ANKFN1: variants seen among roughly 807,000 people sequenced by gnomAD.
ANKFN1 encodes ankyrin repeat and fibronectin type III domain containing 1, also known as ankyrin repeat and fibronectin type-III domain-containing protein 1.
In ANKFN1, 74 loss-of-function variants were observed where a neutral mutation model predicts 108.7. The observed-to-expected ratio is 0.68, with a 90% CI of 0.56 to 0.83. The LOEUF (loss-of-function observed/expected upper bound fraction) is 0.83. Ranked by LOEUF, ANKFN1 falls within the 40% of genes least tolerant of loss-of-function variation. ANKFN1 has a pLI of 0.00. For missense variants in ANKFN1, 1,505 were observed against 1,382.3 expected (o/e 1.09, Z -1.41); for synonymous variants, 547 against 516.2 (o/e 1.06, Z -0.81).
chr17:56,240,194 CA>C (rs202129835), intron 3 of ANKFN1, among the ~76,000 whole-genome samples: 2 of 152,030 alleles, frequency 1.3e-5, no homozygotes, highest in South Asian at 2.1e-4. Context: ...CATTCTCCCA[CA>C]AAAAAATCAC....
intron 4 of ANKFN1, among the ~76,000 whole-genome samples, chr17:56,059,427 T>G (rs1904935035): frequency 6.6e-6 from 1 of 152,258 alleles, no homozygotes; most frequent in South Asian, 2.1e-4. Context: ...CAGAAGCTGT[T>G]TAGTTTAATT....
At chr17:56,367,014 G>C (rs2046681819) in intron 6 of ANKFN1, among the ~76,000 whole-genome samples, 1 of 152,166 alleles carries the variant, frequency 6.6e-6, no homozygotes, top group Non-Finnish European at 1.5e-5. Flanking sequence ...AACTGAGGTT[G>C]GTTGTAAGGT....
rs569724394 is a variant in ANKFN1 at position 56,491,323 on chromosome 17, G to T, written c.2261-864G>T. ...AGTCTCCAAATTCATCAATGCCCTG[G>T]AAGAAACCAGTACTATGATAGTCTG... On this transcript the variant is annotated intron_variant, in intron 18 of 20. Transcript: ENST00000682825. Among the ~76,000 whole-genome samples, 4 of 152,238 alleles carry T rather than the reference G, an allele frequency of 2.6e-5. No homozygotes were observed. In the East Asian group the frequency reaches 7.7e-4, roughly 29 times the overall value.
At chr17:56,125,410 C>A (rs374581486) in intron 4 of ANKFN1, among the ~76,000 whole-genome samples, 7 of 152,166 alleles carry the variant, frequency 4.6e-5, no homozygotes, top group African/African-American at 1.7e-4. Flanking sequence ...TAAAAAGGAA[C>A]CTGGGAAAAA....
chr17:56,388,387 C>T (rs1757590553), intron 8 of ANKFN1, among the ~76,000 whole-genome samples: 1 of 152,002 alleles, frequency 6.6e-6, no homozygotes, highest in South Asian at 2.1e-4. Context: ...CCACCTTGGC[C>T]TCCCAAAGTG....
chr17:56,366,590 T>C (rs2046669206), intron 6 of ANKFN1, among the ~76,000 whole-genome samples: 1 of 152,204 alleles, frequency 6.6e-6, no homozygotes, highest in Non-Finnish European at 1.5e-5. Flanking sequence ...TTATCCTTTA[T>C]GCCATACTTT....
chr17:56,227,356 T>G (rs7218433), intron 2 of ANKFN1, among the ~76,000 whole-genome samples: 46,906 of 151,956 alleles, frequency 0.31, 7,942 homozygotes, highest in African/African-American at 0.42. Context: ...CTTGAATAAA[T>G]AGAAACTTGG....
intron 1 of ANKFN1, among the ~76,000 whole-genome samples, chr17:56,202,751 A>C (rs1214978469): frequency 1.3e-5 from 2 of 152,196 alleles, no homozygotes. Context: ...AATAGGGGGT[A>C]GATACCATGA....
intron 1 of ANKFN1, among the ~76,000 whole-genome samples, chr17:56,205,077 AAAAACAAAAC>A (rs112880628): frequency 2.0e-5 from 3 of 151,810 alleles, no homozygotes; most frequent in East Asian, 2.0e-4. Flanking sequence ...ACTCCGTCTC[AAAAACAAAAC>A]AAAACAAAAC....
At chr17:56,331,340 A>G (rs144756883) in intron 4 of ANKFN1, among the ~76,000 whole-genome samples, 3 of 152,274 alleles carry the variant, frequency 2.0e-5, no homozygotes, top group African/African-American at 7.2e-5. Flanking sequence ...CTCACTGACT[A>G]TATCTGTCTA....
At chr17:56,406,202 T>C (rs1372609185) in intron 8 of ANKFN1, among the ~76,000 whole-genome samples, 4 of 152,128 alleles carry the variant, frequency 2.6e-5, no homozygotes, top group African/African-American at 9.7e-5. Flanking sequence ...ACTCTTTTCA[T>C]CCCATACGCA....
intron 8 of ANKFN1, among the ~76,000 whole-genome samples, chr17:56,411,715 C>T (rs1294610893): frequency 6.6e-6 from 1 of 152,154 alleles, no homozygotes; most frequent in African/African-American, 2.4e-5. Context: ...TGAATTTTGA[C>T]AAGTGCTTTT....
rs1200258034 is a variant in ANKFN1 at position 56,191,423 on chromosome 17, G to A, written c.-70-21175G>A. On this transcript the variant is annotated intron_variant, in intron 1 of 20. Transcript: ENST00000682825. Reference sequence around the variant, plus strand: ...GGGCAGGCCTGATGGTGACAAAATCGGTCAGCATTTGCTTGTCTGTAAAGT... The same window carrying A: ...GGGCAGGCCTGATGGTGACAAAATCAGTCAGCATTTGCTTGTCTGTAAAGT... Among the ~76,000 whole-genome samples the A allele has an allele frequency of 6.6e-5, 4 of 60,292 alleles. 2 individuals carry two copies. Among genetic ancestry groups the A allele is most frequent in the East Asian group, 3.5e-3 (2 of 570 alleles). 39.6% of individuals were successfully genotyped at this position (60,292 alleles called of 152,430 possible).
intron 8 of ANKFN1, among the ~76,000 whole-genome samples, 188 bp from the exon 9 acceptor site, chr17:56,440,139 A>C (rs1022340122): frequency 6.6e-6 from 1 of 152,200 alleles, no homozygotes; most frequent in South Asian, 2.1e-4. Flanking sequence ...TTTTAAAAAA[A>C]ATGTGAACTT....
intron 11 of ANKFN1, among the ~76,000 whole-genome samples, chr17:56,455,892 T>C (rs1250465926): frequency 6.6e-6 from 1 of 152,224 alleles, no homozygotes; most frequent in Non-Finnish European, 1.5e-5. Context: ...AGCAATTCTT[T>C]TCACTTCTCA....
chr17:56,182,429 T>C (rs1235090695), intron 1 of ANKFN1, among the ~76,000 whole-genome samples: 1 of 152,206 alleles, frequency 6.6e-6, no homozygotes. Context: ...AAGGTTTTAG[T>C]GGTTTGGATA....
intron 4 of ANKFN1, among the ~76,000 whole-genome samples, chr17:56,333,975 T>C (rs747847423): frequency 1.3e-5 from 2 of 152,098 alleles, no homozygotes; most frequent in Non-Finnish European, 2.9e-5. Context: ...CCTACATCTT[T>C]ATTAAGGAAG....
At position 56,203,590 on chromosome 17, in the gene ANKFN1, G is replaced by T. The variant is rs58250668; in HGVS notation, c.-70-9008G>T. On this transcript the variant is annotated intron_variant, in intron 1 of 20. Coordinates refer to ENST00000682825, the MANE Select transcript of ANKFN1 (RefSeq NM_001370326.1). ...AGCCGGACTGGTTGCCATGCCAGAG[G>T]GCAAACAGTTTCCAGAGTCTTGCCT... 2.6e-5 allele frequency among the ~76,000 whole-genome samples: 4 copies of T among 152,098 alleles called. No individual in the cohort carries two copies. In the East Asian group the frequency reaches 5.8e-4, roughly 22 times the overall value.
chr17:56,053,120 G>A (rs1373359139), intron 4 of ANKFN1, among the ~76,000 whole-genome samples: 1 of 152,162 alleles, frequency 6.6e-6, no homozygotes, highest in African/African-American at 2.4e-5. Context: ...GATACTTTTT[G>A]TAGGGGCTTT....
Sources: allele counts gnomAD v4.1 joint callset (sites outside exome capture counted in the v4.1 genomes callset), GRCh38; gene constraint gnomAD v4.1.1; transcripts MANE v1.5; gene names NCBI Gene and HGNC (gene_info 2026-07-23, HGNC 2026-07-21).